DGLUCY: variants seen among roughly 807,000 people sequenced by gnomAD.
DGLUCY encodes the protein D-glutamate cyclase.
Under a neutral mutation model 58.5 loss-of-function variants are expected in DGLUCY, and 58 were observed. The observed-to-expected ratio is 0.99, with a 90% confidence interval of 0.80 to 1.23. The LOEUF is 1.23. Ranked by LOEUF, DGLUCY falls within the 50% of genes most tolerant of loss-of-function variation. The probability of loss-of-function intolerance (pLI) is 0.00; values close to 1 mark genes in which losing one functional copy is unlikely to be tolerated. For synonymous variants in DGLUCY, 325 were observed against 314.1 expected (o/e 1.03, Z -0.37); for missense variants, 779 against 784.7 (o/e 0.99, Z 0.09).
chr14:91,217,193 C>T (rs903648920), intron 13 of DGLUCY, among the ~76,000 whole-genome samples: 10 of 152,196 alleles, frequency 6.6e-5, no homozygotes, highest in African/African-American at 9.7e-5. Context: ...TTTGGGAAAA[C>T]GGGGCCAAAG....
chr14:91,077,440 A>AAGGG (rs1555388647), intron 1 of DGLUCY, among the ~76,000 whole-genome samples: 1 of 149,332 alleles, frequency 6.7e-6, no homozygotes, highest in Non-Finnish European at 1.5e-5. Flanking sequence ...GGAAGGAAGG[A>AAGGG]AGAGAGAGAG....
chr14:91,097,818 C>T (rs1384499542), intron 1 of DGLUCY, among the ~76,000 whole-genome samples: 1 of 152,230 alleles, frequency 6.6e-6, no homozygotes, highest in Non-Finnish European at 1.5e-5. Context: ...GGATTACAGG[C>T]GTGTGCCACC....
chr14:91,204,617 G>C, intron 11 of DGLUCY, 89 bp from the exon 12 acceptor site: 1 of 1,533,124 alleles, frequency 6.5e-7, no homozygotes, highest in Non-Finnish European at 8.8e-7. Context: ...CCCTCCCAAA[G>C]GCAACAAGCA....
chr14:91,060,553 C>G (rs2043628842), exon 1 of DGLUCY: 1 of 1,191,594 alleles, frequency 8.4e-7, no homozygotes, highest in African/African-American at 1.6e-5. Context: ...GGCTCCAGAA[C>G]TCGGACGCAA....
intron 1 of DGLUCY, among the ~76,000 whole-genome samples, chr14:91,144,796 C>T (rs921548186): frequency 6.6e-6 from 1 of 152,076 alleles, no homozygotes; most frequent in African/African-American, 2.4e-5. Context: ...AATAAAAAGG[C>T]AGGAAGGCAC....
chr14:91,144,907 T>TG (rs2046932889), intron 1 of DGLUCY, among the ~76,000 whole-genome samples: 3 of 151,884 alleles, frequency 2.0e-5, no homozygotes, highest in Middle Eastern at 6.8e-3. Flanking sequence ...GGGAGGGAGT[T>TG]GGGGGTGCTG....
rs2140500860 is a variant in DGLUCY at position 91,189,001 on chromosome 14, TG to T, written c.1029del (p.Phe344SerfsTer35). 1 of 1,614,190 alleles carries T rather than the reference TG, an allele frequency of 6.2e-7. No individual in the cohort carries two copies. Among genetic ancestry groups the T allele is most frequent in the East Asian group, 2.2e-5 (1 of 44,886 alleles). ...SHARSVLITT[G>X]FPTHFNHEPP... The stretch of plus-strand genomic sequence containing the variant: ...ATGCCCGCTCAGTGCTCATCACCAC[TG>T]GGTTCCCCACACATTTCAATCATGA... On this transcript the variant is annotated frameshift_variant, in exon 9 of 14. Coordinates refer to ENST00000256324, the MANE Select transcript of DGLUCY (RefSeq NM_001102368.3). LOFTEE classifies it high-confidence loss of function.
intron 8 of DGLUCY, among the ~76,000 whole-genome samples, chr14:91,183,996 C>T (rs1012585893): frequency 1.3e-5 from 2 of 151,888 alleles, no homozygotes; most frequent in African/African-American, 2.4e-5. Flanking sequence ...CATATGTGGC[C>T]TCCCCACCGG....
rs1358967932 is a variant in DGLUCY at position 91,114,271 on chromosome 14, C to T, written c.-94C>T. On this transcript the variant is annotated 5_prime_UTR_variant, in exon 1 of 14. Transcript: ENST00000256324. ...ACTGTTTGTAGCCCTCGTCCAGACG[C>T]CCCAAACAAACAGTAAGTCAGAAGG... 6.6e-6 allele frequency: 1 copy of T among 152,290 alleles called. No individual in the cohort carries two copies. The highest frequency in any genetic ancestry group is 1.5e-5 in the Non-Finnish European group (1 of 68,116). The allele number at this position is 152,290 out of a possible 1,614,324, so 9.4% of individuals were successfully genotyped here.
chr14:91,074,116 T>TACACACACAC (rs1280375718), intron 1 of DGLUCY, among the ~76,000 whole-genome samples: 850 of 77,422 alleles, frequency 0.011, 8 homozygotes, highest in Middle Eastern at 0.016. Flanking sequence ...TATATATATA[T>TACACACACAC]ATACACACAC....
chr14:91,077,855 G>T (rs538578098), intron 1 of DGLUCY, among the ~76,000 whole-genome samples: 1 of 150,724 alleles, frequency 6.6e-6, no homozygotes, highest in South Asian at 2.1e-4. Context: ...AGAGAGGAAT[G>T]AAGGAAGAAA....
chr14:91,119,718 T>G (rs1263537436), intron 1 of DGLUCY, among the ~76,000 whole-genome samples: 3 of 152,100 alleles, frequency 2.0e-5, no homozygotes, highest in Non-Finnish European at 4.4e-5. Context: ...AAAAGGAGAT[T>G]AACATTTGAG....
chr14:91,205,806 TCTCCTCCTC>T (rs146159847), intron 12 of DGLUCY, among the ~76,000 whole-genome samples: 1 of 131,882 alleles, frequency 7.6e-6, no homozygotes, highest in South Asian at 2.4e-4. Context: ...TCCGTCTCCT[TCTCCTCCTC>T]CTCCTCCTCC....
chr14:91,098,199 A>G (rs1323538281), intron 1 of DGLUCY, among the ~76,000 whole-genome samples: 5 of 152,224 alleles, frequency 3.3e-5, no homozygotes, highest in Admixed American at 6.5e-5. Flanking sequence ...GCTCATGCCT[A>G]TAATCCCAGC....
intron 3 of DGLUCY, among the ~76,000 whole-genome samples, chr14:91,165,805 G>A (rs2048250472): frequency 6.6e-6 from 1 of 152,202 alleles, no homozygotes; most frequent in Non-Finnish European, 1.5e-5. Flanking sequence ...AAACTGCTTG[G>A]CAGTATCTAT....
intron 13 of DGLUCY, among the ~76,000 whole-genome samples, chr14:91,218,152 A>C (rs1886869567): frequency 6.6e-6 from 1 of 152,088 alleles, no homozygotes; most frequent in Non-Finnish European, 1.5e-5. Context: ...TTTCAGAGGG[A>C]AATGGTCTGC....
chr14:91,096,671 GC>G (rs777116174), intron 1 of DGLUCY, among the ~76,000 whole-genome samples: 3 of 152,116 alleles, frequency 2.0e-5, no homozygotes, highest in Non-Finnish European at 2.9e-5. Flanking sequence ...TCAGCTGAGT[GC>G]CTTCCCCTGC....
intron 1 of DGLUCY, among the ~76,000 whole-genome samples, chr14:91,075,244 C>T (rs75813135): frequency 0.021 from 3,185 of 152,222 alleles, 36 homozygotes; most frequent in South Asian, 0.033. Context: ...CTCTGAGGCT[C>T]ATCATCCTCC....
At chr14:91,181,933 CCA>C (rs2049199127) in intron 8 of DGLUCY, among the ~76,000 whole-genome samples, 1 of 151,474 alleles carries the variant, frequency 6.6e-6, no homozygotes, top group African/African-American at 2.4e-5. Flanking sequence ...GCGTGAGCCA[CCA>C]TGCCCAGCCT....
Sources: gnomAD v4.1 joint callset for allele counts (sites outside exome capture counted in the v4.1 genomes callset) on GRCh38, gnomAD v4.1.1 for gene constraint, MANE v1.5 for transcripts, NCBI Gene and HGNC (gene_info 2026-07-23, HGNC 2026-07-21) for gene names.